Variants in POTEF observed in about 807,000 individuals in gnomAD.
POTEF encodes ANKRD26-like family C member 1B.
Under a neutral mutation model 83.2 loss-of-function variants are expected in POTEF, and 20 were observed. That is an observed-to-expected ratio of 0.24 (90% CI 0.17 to 0.35). The LOEUF (loss-of-function observed/expected upper bound fraction) is 0.35, where lower values mean the gene tolerates loss of function less well. Among genes scored for constraint, POTEF ranks in the 10% least tolerant of loss-of-function variants. POTEF has a pLI of 1.00. For missense variants in POTEF, 550 were observed against 1,203.2 expected, an observed-to-expected ratio of 0.46 and a Z score of 8.03; for synonymous variants, 196 against 446.4, an observed-to-expected ratio of 0.44 and a Z score of 7.07.
At chr2:130,128,348 G>A (rs1218333746) in intron 1 of POTEF, among the ~76,000 whole-genome samples, 1 of 151,962 alleles carries the variant, frequency 6.6e-6, no homozygotes, top group Non-Finnish European at 1.5e-5. Context: ...AGGAACTCTG[G>A]AGTCTGGAAA....
In POTEF at chr2:130,109,443, T is replaced by G. The variant is rs1233936987; in HGVS notation, c.1055+1100A>C. ...TGTGAGCTAGAGTTTGAAAATATCT[T>G]AAAATCTTGAGCTAGAGATGGAAGT... On this transcript the variant is annotated intron_variant, in intron 7 of 16. Transcript: ENST00000409914. 4.1e-5 allele frequency: 6 copies of G among 145,654 alleles called. 1 individual carries two copies. The highest frequency in any genetic ancestry group is 1.6e-4 in the African/African-American group (6 of 37,140). 9.0% of individuals were successfully genotyped at this position (145,654 alleles called of 1,614,324 possible). A position where few individuals can be genotyped will look rare whatever the true frequency, so the allele number is the denominator to read the frequency against.
intron 2 of POTEF, among the ~76,000 whole-genome samples, chr2:130,127,415 C>T (rs1219537548): frequency 1.4e-5 from 2 of 146,974 alleles, no homozygotes; most frequent in Non-Finnish European, 1.5e-5. Context: ...TGCTGCCACT[C>T]ATGCCTGGCT....
chr2:130,128,324 A>G lies in POTEF; in HGVS notation c.-249-460T>C, dbSNP rs568002966. ...TGGGTGTGGGGGCCCTGCCCTGCTC[A>G]AGATTGCACCAGGAGGAACTCTGGA... is the stretch of plus-strand genomic sequence containing the variant. On this transcript the variant is annotated intron_variant, in intron 1 of 16. Coordinates refer to ENST00000409914, the MANE Select transcript of POTEF (RefSeq NM_001099771.2). Among the ~76,000 whole-genome samples, 21 of 152,008 alleles carry G rather than the reference A, an allele frequency of 1.4e-4. No individual in the cohort carries two copies. The East Asian group carries it at 3.9e-3, about 28-fold the overall frequency.
At chr2:130,092,958 C>A (rs1280372981) in intron 12 of POTEF, among the ~76,000 whole-genome samples, 1 of 117,900 alleles carries the variant, frequency 8.5e-6, no homozygotes, top group African/African-American at 3.5e-5. Context: ...GGAGTAGGTG[C>A]GCAGCAGGCA....
chr2:130,075,230 GCATGCCCCCCAT>G lies in POTEF; in HGVS notation c.2230_2241del (p.Met744_Met747del), dbSNP rs1325894296. ...TTGCCCACATAGGACTCTTTCTGATGCATGCCCCCCATCATGCCCTGCTGCCTGGGGCGCCCC... is the reference window on the plus strand; with the variant it reads ...TTGCCCACATAGGACTCTTTCTGATGCATGCCCTGCTGCCTGGGGCGCCCC... On this transcript the variant is annotated inframe_deletion, in exon 17 of 17. Coordinates refer to ENST00000409914, the MANE Select transcript of POTEF (RefSeq NM_001099771.2). 21 of 1,612,416 alleles carry G rather than the reference GCATGCCCCCCAT, an allele frequency of 1.3e-5. No homozygotes were observed. Among genetic ancestry groups the G allele is most frequent in the Non-Finnish European group, 1.7e-5 (20 of 1,179,916 alleles).
Position 130,125,646 on chromosome 2 carries a change from T to G in POTEF, c.-94+2063A>C, listed in dbSNP as rs190161510. Among the ~76,000 whole-genome samples, 677 of 152,116 alleles carry G rather than the reference T, an allele frequency of 4.5e-3. 6 individuals carry two copies. The highest frequency in any genetic ancestry group is 0.01 in the Middle Eastern group (3 of 294). On this transcript the variant is annotated intron_variant, in intron 2 of 16. Coordinates refer to ENST00000409914, the MANE Select transcript of POTEF (RefSeq NM_001099771.2). ...AAGCCTTGTTTTTGGTTGTGAATCT[T>G]TGCCTTAAAATACACACAGCTGACC...
chr2:130,120,991 C>T (rs1029965942), intron 2 of POTEF: 3 of 231,896 alleles, frequency 1.3e-5, no homozygotes, highest in Non-Finnish European at 2.4e-5. Flanking sequence ...CCATTACAGG[C>T]CAGCCAAGCC....
chr2:130,075,380 C>T lies in POTEF; in HGVS notation c.2092G>A (p.Glu698Lys), dbSNP rs1683765757. Residue 698 changes from glutamate to lysine, a missense_variant, in exon 17 of 17, where the codon GAG becomes AAG. Glu to Lys is a moderately conservative substitution (Grantham distance 56). Transcript: ENST00000409914. ...DNLLKALQLN[E>K]LTMDDDTAVL... Reference sequence around the variant, plus strand: ...GCGGTATCATCATCCATGGTGAGCTCATTCAATTGTAGAGCCTTTAAAAGA... The same window carrying T: ...GCGGTATCATCATCCATGGTGAGCTTATTCAATTGTAGAGCCTTTAAAAGA... 4 of 1,612,124 alleles carry T rather than the reference C, an allele frequency of 2.5e-6. No homozygotes were observed. Among genetic ancestry groups the T allele is most frequent in the Non-Finnish European group, 2.5e-6 (3 of 1,179,866 alleles).
chr2:130,078,324 A>G (rs1434699005), intron 15 of POTEF, among the ~76,000 whole-genome samples: 1 of 91,034 alleles, frequency 1.1e-5, no homozygotes, highest in South Asian at 3.4e-4. Context: ...CTGAGAGTTC[A>G]TATCAACAAT....
At position 130,074,046 on chromosome 2, in the gene POTEF, T is replaced by C. The variant is rs1683698261; in HGVS notation, c.*198A>G. The stretch of plus-strand genomic sequence containing the variant: ...ACAATCAAAGTCCTTGGCCACATTG[T>C]AGAACTTTGGAGGAAGCTTCCTCCA... On this transcript the variant is annotated 3_prime_UTR_variant, in exon 17 of 17. Transcript: ENST00000409914. 4 of 909,638 alleles carry C rather than the reference T, an allele frequency of 4.4e-6. 1 individual carries two copies. In the South Asian group the frequency reaches 5.3e-5, roughly 12 times the overall value. The allele number at this position is 909,638 out of a possible 1,614,324, so 56.3% of individuals were successfully genotyped here.
chr2:130,120,678 C>G, intron 2 of POTEF, 70 bp from the exon 3 acceptor site: 6 of 1,283,552 alleles, frequency 4.7e-6, no homozygotes, highest in Non-Finnish European at 6.4e-6. Context: ...GCCCAGCCCA[C>G]CCCACCCAGG....
At chr2:130,116,079 G>T (rs1164369720) in intron 3 of POTEF, among the ~76,000 whole-genome samples, 1 of 151,998 alleles carries the variant, frequency 6.6e-6, no homozygotes, top group African/African-American at 2.4e-5. Context: ...GATAAATTTT[G>T]GTTCTTAAAA....
intron 7 of POTEF, chr2:130,109,635 G>C (rs1869003): frequency 2.0e-5 from 3 of 149,802 alleles, no homozygotes; most frequent in Non-Finnish European, 4.4e-5. Flanking sequence ...AGAGGAAACA[G>C]ACACTGACCT....
Position 130,120,817 on chromosome 2 carries a change from G to GA in POTEF, c.-93-210dup, listed in dbSNP as rs1247880974. On this transcript the variant is annotated intron_variant, in intron 2 of 16. Transcript: ENST00000409914. ...CCAAGGGAATGCCAAACCCAGCAGAGAAAAGGTCAAGCCCAGCAAAGGAAC... is the reference window on the plus strand; with the variant it reads ...CCAAGGGAATGCCAAACCCAGCAGAGAAAAAGGTCAAGCCCAGCAAAGGAAC... 7 of 510,496 alleles carry GA rather than the reference G, an allele frequency of 1.4e-5. No homozygotes were observed. The East Asian group carries it at 2.5e-4, about 18-fold the overall frequency. The allele number at this position is 510,496 out of a possible 1,614,324, so 31.6% of individuals were successfully genotyped here. A position where few individuals can be genotyped will look rare whatever the true frequency, so the allele number is the denominator to read the frequency against.
intron 2 of POTEF, among the ~76,000 whole-genome samples, chr2:130,126,322 A>G (rs1297672857): frequency 1.3e-5 from 2 of 151,286 alleles, no homozygotes; most frequent in Non-Finnish European, 2.9e-5. Context: ...AAAAAAAAAA[A>G]AAGAAAGAAA....
chr2:130,113,529 T>C (rs3100060), intron 5 of POTEF, among the ~76,000 whole-genome samples: 3 of 30,710 alleles, frequency 9.8e-5, no homozygotes, highest in Non-Finnish European at 1.5e-4. Flanking sequence ...TTGTTGTCGT[T>C]GTTGTTGTTG....
At chr2:130,115,742 CAAT>C (rs747287170) in intron 3 of POTEF, among the ~76,000 whole-genome samples, 2 of 152,136 alleles carry the variant, frequency 1.3e-5, no homozygotes, top group Non-Finnish European at 2.9e-5. Context: ...AATAACAGCT[CAAT>C]AATTGTTAGA....
At chr2:130,092,144 T>TA (rs1171030148) in intron 12 of POTEF, among the ~76,000 whole-genome samples, 1 of 21,036 alleles carries the variant, frequency 4.8e-5, no homozygotes, top group Admixed American at 5.5e-4. Context: ...AGTGGGCATC[T>TA]AGCACACAGT....
In POTEF at chr2:130,110,457, A is replaced by T. The variant is rs1684678388; in HGVS notation, c.1055+86T>A. The T allele has an allele frequency of 6.4e-6, 10 of 1,553,870 alleles. 1 individual carries two copies. Among genetic ancestry groups the T allele is most frequent in the South Asian group, 6.1e-5 (5 of 82,428 alleles). ...AAAACTACCTGAACCAAACTATGAC[A>T]TCTCACCTGATATGTGAGATGCAAC... On this transcript the variant is annotated intron_variant, in intron 7 of 16. Transcript: ENST00000409914.
Sources: gnomAD v4.1 joint callset for allele counts (sites outside exome capture counted in the v4.1 genomes callset) on GRCh38, gnomAD v4.1.1 for gene constraint, MANE v1.5 for transcripts, NCBI Gene and HGNC (gene_info 2026-07-23, HGNC 2026-07-21) for gene names.